The following RBM19 variants were observed in gnomAD, a reference collection of about 807,000 sequenced individuals.
RBM19 encodes the protein probable RNA-binding protein 19.
RBM19 carries 94 observed loss-of-function variants against 116.8 expected under a neutral mutation model. The ratio of observed to expected loss-of-function variants is 0.80; its 90% confidence interval spans 0.68 to 0.95. The LOEUF (loss-of-function observed/expected upper bound fraction) is 0.95. RBM19 is among the 40% of genes least tolerant of loss of function. The pLI, the probability that RBM19 is intolerant of heterozygous loss-of-function variation, is 0.00. For synonymous variants in RBM19, 475 were observed against 494.1 expected, an observed-to-expected ratio of 0.96 and a Z score of 0.51; for missense variants, 1,161 against 1,220.7, an observed-to-expected ratio of 0.95 and a Z score of 0.73.
chr12:113,907,947 T>C (rs1294671040), intron 21 of RBM19, among the ~76,000 whole-genome samples: 2 of 152,182 alleles, frequency 1.3e-5, no homozygotes, highest in African/African-American at 2.4e-5. Flanking sequence ...CAGTGGTCAG[T>C]GGCTGTGATG....
At chr12:113,957,209 C>T (rs570159953) in intron 6 of RBM19, among the ~76,000 whole-genome samples, 1 of 152,314 alleles carries the variant, frequency 6.6e-6, no homozygotes, top group African/African-American at 2.4e-5. Flanking sequence ...TTAGTGTTGA[C>T]AATAATTTAG....
chr12:113,872,445 C>T (rs1220062957), intron 21 of RBM19, among the ~76,000 whole-genome samples: 30 of 138,656 alleles, frequency 2.2e-4, no homozygotes, highest in African/African-American at 6.9e-4. Flanking sequence ...AGGTGAGGGG[C>T]GCCTCTGCTC....
chr12:113,905,317 T>A (rs947115291), intron 21 of RBM19, among the ~76,000 whole-genome samples: 3 of 152,128 alleles, frequency 2.0e-5, no homozygotes, highest in Non-Finnish European at 4.4e-5. Context: ...AGTCACCTGA[T>A]CTATGACAAA....
intron 16 of RBM19, among the ~76,000 whole-genome samples, chr12:113,932,900 C>T (rs1013783471): frequency 6.6e-6 from 1 of 152,064 alleles, no homozygotes; most frequent in African/African-American, 2.4e-5. Flanking sequence ...ACTGTGCTTC[C>T]ATCTGTAGTT....
intron 8 of RBM19, 120 bp from the exon 9 acceptor site, chr12:113,950,274 T>C (rs1871360756): frequency 2.6e-6 from 2 of 772,430 alleles, no homozygotes; most frequent in East Asian, 2.6e-5. Context: ...TCTACCTTGG[T>C]CAGATCTCCA....
At chr12:113,885,083 G>C (rs745706198) in intron 21 of RBM19, among the ~76,000 whole-genome samples, 1 of 152,228 alleles carries the variant, frequency 6.6e-6, no homozygotes, top group Non-Finnish European at 1.5e-5. Flanking sequence ...AGGATCTTCA[G>C]TGGAAGCTAA....
Position 113,904,653 on chromosome 12 carries a change from C to T in RBM19, c.2558+10316G>A, listed in dbSNP as rs192629604. On this transcript the variant is annotated intron_variant, in intron 21 of 23. Coordinates refer to ENST00000261741, the MANE Select transcript of RBM19 (RefSeq NM_016196.4). ...GGTGCTGAGGCTGACATGCATGGAT[C>T]CCAACAGGAATGCTCACAGAAGCCC... is the stretch of plus-strand genomic sequence containing the variant. Among the ~76,000 whole-genome samples the T allele has an allele frequency of 1.4e-4, 21 of 152,284 alleles. No homozygotes were observed. The East Asian group carries it at 4.1e-3, about 29-fold the overall frequency.
Position 113,884,114 on chromosome 12 carries a change from A to AAAAAAAAAAC in RBM19, c.2559-25219_2559-25218insGTTTTTTTTT, listed in dbSNP as rs1341330869. On this transcript the variant is annotated intron_variant, in intron 21 of 23. Coordinates refer to ENST00000261741, the MANE Select transcript of RBM19 (RefSeq NM_016196.4). Reference sequence around the variant, plus strand: ...ACATAGGGATACTCCATCTCTACCAAAAAAAAAAAAAAACAAAAAACTCGC... The same window carrying AAAAAAAAAAC: ...ACATAGGGATACTCCATCTCTACCAAAAAAAAAAACAAAAAAAAAAAAACAAAAAACTCGC... Among the ~76,000 whole-genome samples, 10 of 142,908 alleles carry AAAAAAAAAAC rather than the reference A, an allele frequency of 7.0e-5. 1 individual carries two copies. Among genetic ancestry groups the AAAAAAAAAAC allele is most frequent in the East Asian group, 6.2e-4 (3 of 4,858 alleles). 93.8% of individuals were successfully genotyped at this position (142,908 alleles called of 152,430 possible).
chr12:113,836,660 C>T (rs151076710), intron 23 of RBM19, among the ~76,000 whole-genome samples: 183 of 152,178 alleles, frequency 1.2e-3, no homozygotes, highest in African/African-American at 3.1e-3. Context: ...CCTCCTCCTT[C>T]TCCTCATGGC....
At chr12:113,933,203 T>A (rs1274124080) in intron 16 of RBM19, among the ~76,000 whole-genome samples, 1 of 150,274 alleles carries the variant, frequency 6.7e-6, no homozygotes, top group Non-Finnish European at 1.5e-5. Context: ...AAAAAAGGTA[T>A]GTCCACTCCC....
intron 7 of RBM19, 131 bp from the exon 8 acceptor site, chr12:113,952,721 A>C: frequency 1.5e-6 from 1 of 674,314 alleles, no homozygotes; most frequent in Non-Finnish European, 2.5e-6. Context: ...CTCTTTCCTT[A>C]TACGTATCGC....
At chr12:113,953,649 T>C (rs545253899) in intron 7 of RBM19, among the ~76,000 whole-genome samples, 62 of 152,338 alleles carry the variant, frequency 4.1e-4, no homozygotes, top group Non-Finnish European at 7.9e-4. Context: ...TGGGCACTTG[T>C]AGACTCTGCT....
chr12:113,954,758 CCTA>C (rs1471613207), intron 7 of RBM19, among the ~76,000 whole-genome samples: 11 of 152,174 alleles, frequency 7.2e-5, no homozygotes, highest in Non-Finnish European at 4.4e-5. Context: ...TTTATTTTTA[CCTA>C]CTTTCTGAGA....
chr12:113,905,978 C>T (rs955955492), intron 21 of RBM19, among the ~76,000 whole-genome samples: 3 of 152,062 alleles, frequency 2.0e-5, no homozygotes, highest in Admixed American at 2.0e-4. Flanking sequence ...CAAGTGTGGA[C>T]GAGGATGAGG....
At chr12:113,952,141 C>T (rs1350809529) in intron 8 of RBM19, among the ~76,000 whole-genome samples, 3 of 151,660 alleles carry the variant, frequency 2.0e-5, no homozygotes, top group Non-Finnish European at 4.4e-5. Flanking sequence ...CGGGGCAACA[C>T]CACACATGCT....
intron 1 of RBM19, 102 bp from the exon 2 acceptor site, chr12:113,962,516 C>T: frequency 8.3e-7 from 1 of 1,211,242 alleles, no homozygotes; most frequent in Non-Finnish European, 1.2e-6. Context: ...CCAAGGGTGG[C>T]CTTAGATGAA....
At chr12:113,884,234 T>C (rs1434798202) in intron 21 of RBM19, among the ~76,000 whole-genome samples, 1 of 150,174 alleles carries the variant, frequency 6.7e-6, no homozygotes. Flanking sequence ...AGTAGTCCAT[T>C]ATAGCACCAC....
At chr12:113,866,841 G>C (rs2135756582) in intron 21 of RBM19, among the ~76,000 whole-genome samples, 1 of 152,316 alleles carries the variant, frequency 6.6e-6, no homozygotes, top group Non-Finnish European at 1.5e-5. Context: ...TTCCAAAGAA[G>C]CTAGTGGTCC....
chr12:113,877,898 A>T (rs1239295165), intron 21 of RBM19, among the ~76,000 whole-genome samples: 1 of 152,196 alleles, frequency 6.6e-6, no homozygotes, highest in African/African-American at 2.4e-5. Context: ...AATGATACAG[A>T]GGAAAAAAGG....
Sources: gnomAD v4.1 joint callset for allele counts (sites outside exome capture counted in the v4.1 genomes callset) on GRCh38, gnomAD v4.1.1 for gene constraint, MANE v1.5 for transcripts, NCBI Gene and HGNC (gene_info 2026-07-23, HGNC 2026-07-21) for gene names.